Variants in INO80D observed in about 807,000 individuals in gnomAD.
The protein encoded by INO80D is INO80 complex subunit D.
INO80D carries 21 observed loss-of-function variants against 87.6 expected under a neutral mutation model. The ratio of observed to expected loss-of-function variants is 0.24; its 90% CI spans 0.17 to 0.35. The LOEUF (loss-of-function observed/expected upper bound fraction) is 0.35, where lower values mean the gene tolerates loss of function less well. Among genes scored for constraint, INO80D ranks in the 10% least tolerant of loss-of-function variants. INO80D has a pLI of 1.00. For missense variants in INO80D, 982 were observed against 1,280.7 expected, an observed-to-expected ratio of 0.77 and a Z score of 3.56; for synonymous variants, 440 against 491.0, an observed-to-expected ratio of 0.90 and a Z score of 1.37.
rs1191604198 is a variant in INO80D, at chr2:206,085,365, G to C, written c.-124+536C>G. Reference sequence around the variant, plus strand: ...GAGAGACCCGGGGGAAGGGGAGCCGGGCGCCCATTCCCCACTCCCCACTCC... The same window carrying C: ...GAGAGACCCGGGGGAAGGGGAGCCGCGCGCCCATTCCCCACTCCCCACTCC... On this transcript the variant is annotated intron_variant, in intron 1 of 10. Coordinates refer to ENST00000403263, the MANE Select transcript of INO80D (RefSeq NM_017759.5). This position sits in a 1 kb window ranked among gnomAD's most constrained non-coding sequence, Gnocchi z 4.5. Among the ~76,000 whole-genome samples the C allele has an allele frequency of 2.0e-5, 3 of 151,756 alleles. No homozygotes were observed. The highest frequency in any genetic ancestry group is 2.0e-4 in the Admixed American group (3 of 15,262).
intron 4 of INO80D, 37 bp downstream of exon 4, chr2:206,056,152 TTTTGTCATA>T: frequency 6.6e-7 from 1 of 1,509,564 alleles, no homozygotes; most frequent in South Asian, 1.3e-5. Flanking sequence ...ACCGAACACA[TTTTGTCATA>T]TTATGTGTCT....
At chr2:206,033,264 G>C (rs925065351) in intron 5 of INO80D, among the ~76,000 whole-genome samples, 1 of 152,042 alleles carries the variant, frequency 6.6e-6, no homozygotes, top group Non-Finnish European at 1.5e-5. Flanking sequence ...AAAAGGCCTT[G>C]TCCAGCAACC....
intron 4 of INO80D, among the ~76,000 whole-genome samples, chr2:206,052,100 A>G (rs1406236168): frequency 6.6e-6 from 1 of 152,218 alleles, no homozygotes; most frequent in Non-Finnish European, 1.5e-5. Context: ...TCTGCTGCAA[A>G]GGAAGAAAGC....
rs1689520544 is a variant in INO80D at position 206,056,387 on chromosome 2, A to G, written c.775T>C (p.Ser259Pro). 3.7e-6 allele frequency: 6 copies of G among 1,613,730 alleles called. No homozygotes were observed. The highest frequency in any genetic ancestry group is 5.1e-6 in the Non-Finnish European group (6 of 1,179,842). ...AGGAGGGGCAGAGGCCTCTTGTGAG[A>G]CAACTGCCGTGCTTGTGCTATAGTG... ...THTIAQARQL[S>P]HKRPLPLLPS... Residue 259 changes from serine to proline, a missense_variant, in exon 4 of 11, where the codon TCT becomes CCT. Transcript: ENST00000403263.
chr2:206,077,339 C>CAA (rs929278865), intron 1 of INO80D, among the ~76,000 whole-genome samples: 6 of 107,486 alleles, frequency 5.6e-5, no homozygotes, highest in East Asian at 2.6e-4. Context: ...GACTCTGTCT[C>CAA]AAAAAAAAAA....
At position 206,062,972 on chromosome 2, in the gene INO80D, C is replaced by T; in HGVS notation, c.45G>A (p.Lys15=). The change falls in exon 3 of 11, where the codon AAG becomes AAA. Residue 15 remains lysine (K), a synonymous_variant. Coordinates refer to ENST00000403263, the MANE Select transcript of INO80D (RefSeq NM_017759.5). The surrounding 1 kb of genome is among the most constrained non-coding windows in gnomAD (Gnocchi z 4.6). ...GTTTGGGGCTATATGAGCACAAGGG[C>T]TTATTGTCAACCTCAGAGAAGTGTA... ...KHIHFSEVDN[K]PLCSYSPKLC... 1 of 1,612,986 alleles carries T rather than the reference C, an allele frequency of 6.2e-7. No homozygotes were observed. Among genetic ancestry groups the T allele is most frequent in the Non-Finnish European group, 8.5e-7 (1 of 1,179,670 alleles).
At chr2:206,059,370 G>A (rs1575864768) in intron 3 of INO80D, among the ~76,000 whole-genome samples, 1 of 151,984 alleles carries the variant, frequency 6.6e-6, no homozygotes, top group East Asian at 1.9e-4. Flanking sequence ...AACAGAGTGA[G>A]ACTCAGCCTC....
At chr2:206,023,831 CAG>C (rs1458418769) in intron 6 of INO80D, among the ~76,000 whole-genome samples, 2 of 152,020 alleles carry the variant, frequency 1.3e-5, no homozygotes, top group African/African-American at 4.8e-5. Flanking sequence ...AAAACTATAA[CAG>C]GGTCCATCTT....
At chr2:206,048,897 C>T (rs569837524) in intron 4 of INO80D, among the ~76,000 whole-genome samples, 3 of 152,256 alleles carry the variant, frequency 2.0e-5, no homozygotes, top group East Asian at 1.9e-4. Context: ...AAGGCCCTGT[C>T]TCTAAAAGTT....
At chr2:206,038,046 A>G (rs1688937384) in intron 5 of INO80D, among the ~76,000 whole-genome samples, 1 of 152,222 alleles carries the variant, frequency 6.6e-6, no homozygotes, top group Non-Finnish European at 1.5e-5. Flanking sequence ...ACATAGACGT[A>G]GAGAATGGAG....
chr2:206,024,312 T>G (rs1423854847), intron 6 of INO80D, among the ~76,000 whole-genome samples: 2 of 152,048 alleles, frequency 1.3e-5, no homozygotes, highest in Non-Finnish European at 2.9e-5. Context: ...AATTGTACAA[T>G]GAAACAGAGT....
At chr2:206,046,262 C>A (rs570968165) in intron 5 of INO80D, among the ~76,000 whole-genome samples, 2 of 152,158 alleles carry the variant, frequency 1.3e-5, no homozygotes, top group East Asian at 3.9e-4. Flanking sequence ...TAGGGCCGGG[C>A]GTGGTAGCTC....
chr2:206,005,283 A>C lies in INO80D; in HGVS notation c.2169T>G (p.His723Gln), dbSNP rs374779407. The change falls in exon 11 of 11, where the codon CAT becomes CAG. Residue 723 changes from histidine (H) to glutamine (Q), a missense_variant. Coordinates refer to ENST00000403263, the MANE Select transcript of INO80D (RefSeq NM_017759.5). ...CCAGCTCTAGACTAGAAAAATTATC[A>C]TGTACTATACGCCCATTCAATAGCT... is the stretch of plus-strand genomic sequence containing the variant. Reference protein sequence around the residue: ...LGELLNGRIVHDNFSSLELDE... With the variant: ...LGELLNGRIVQDNFSSLELDE... The C allele has an allele frequency of 6.2e-6, 10 of 1,613,992 alleles. No homozygotes were observed. The highest frequency in any genetic ancestry group is 8.5e-6 in the Non-Finnish European group (10 of 1,179,886).
chr2:206,080,763 C>A (rs1276461030), intron 1 of INO80D, among the ~76,000 whole-genome samples: 18 of 151,432 alleles, frequency 1.2e-4, no homozygotes, highest in Non-Finnish European at 2.2e-4. Context: ...AAAAATTAGC[C>A]GGGTGTGCGG....
intron 6 of INO80D, among the ~76,000 whole-genome samples, chr2:206,027,541 A>G (rs1417275095): frequency 6.6e-6 from 1 of 152,100 alleles, no homozygotes; most frequent in Non-Finnish European, 1.5e-5. Context: ...CTCTACAAAA[A>G]AAAATTTTTT....
intron 1 of INO80D, among the ~76,000 whole-genome samples, chr2:206,082,858 A>G (rs1690322739): frequency 2.6e-5 from 4 of 152,196 alleles, no homozygotes; most frequent in African/African-American, 9.6e-5. Flanking sequence ...GAAATGTTTA[A>G]TTCCTTCTAA....
chr2:206,026,652 T>A (rs1025600216), intron 6 of INO80D, among the ~76,000 whole-genome samples: 19 of 149,362 alleles, frequency 1.3e-4, no homozygotes, highest in Admixed American at 9.4e-4. Context: ...TATATATATT[T>A]TATATATAAC....
At chr2:206,070,214 G>A (rs1265314569) in intron 1 of INO80D, among the ~76,000 whole-genome samples, 2 of 151,614 alleles carry the variant, frequency 1.3e-5, no homozygotes, top group East Asian at 1.9e-4. Context: ...TCAGGAGTTC[G>A]AGACCAGCCT....
chr2:206,040,149 C>T (rs1336411118), intron 5 of INO80D, among the ~76,000 whole-genome samples: 3 of 151,192 alleles, frequency 2.0e-5, no homozygotes, highest in South Asian at 2.1e-4. Context: ...AAAAATTAGC[C>T]GGGCGTAGTG....
Sources: allele counts gnomAD v4.1 joint callset (sites outside exome capture counted in the v4.1 genomes callset), GRCh38; gene constraint gnomAD v4.1.1; non-coding constraint Gnocchi (gnomAD v3.1); transcripts MANE v1.5; gene names NCBI Gene and HGNC (gene_info 2026-07-23, HGNC 2026-07-21).